Variants in GTF2F2 observed in about 807,000 individuals in gnomAD.
GTF2F2 encodes general transcription factor IIF subunit 2.
A neutral mutation model predicts 42.2 loss-of-function variants in GTF2F2; 23 were observed. The ratio of observed to expected loss-of-function variants is 0.55; its 90% confidence interval spans 0.39 to 0.77. The LOEUF is 0.77. Ranked by LOEUF, GTF2F2 falls within the 30% of genes least tolerant of loss-of-function variation. The pLI is 0.00. For missense variants in GTF2F2, 261 were observed against 287.2 expected, an observed-to-expected ratio of 0.91 and a Z score of 0.66; for synonymous variants, 105 against 100.8, an observed-to-expected ratio of 1.04 and a Z score of -0.25.
Position 45,140,853 on chromosome 13 carries a change from G to T in GTF2F2, c.140+4047G>T, listed in dbSNP as rs141373334. ...GGCAGGCTAAAGGAGAGAGTACTTA[G>T]ATGATGAACCTCATGGTATTGTGGA... On this transcript the variant is annotated intron_variant, in intron 2 of 7. Transcript: ENST00000340473. 4.1e-4 allele frequency among the ~76,000 whole-genome samples: 63 copies of T among 152,330 alleles called. No homozygotes were observed. The East Asian group carries it at 0.012, about 28-fold the overall frequency.
At chr13:45,212,157 T>C (rs553933905) in intron 5 of GTF2F2, among the ~76,000 whole-genome samples, 3 of 152,296 alleles carry the variant, frequency 2.0e-5, no homozygotes, top group African/African-American at 7.2e-5. Context: ...GAGAACAGAA[T>C]TGGTAAGTCT....
At chr13:45,161,560 G>A (rs1044667048) in intron 4 of GTF2F2, among the ~76,000 whole-genome samples, 1 of 152,122 alleles carries the variant, frequency 6.6e-6, no homozygotes, top group African/African-American at 2.4e-5. Context: ...AGAATACAGG[G>A]GCCGGGCACC....
intron 4 of GTF2F2, among the ~76,000 whole-genome samples, chr13:45,195,668 T>A (rs1316276872): frequency 6.6e-6 from 1 of 152,140 alleles, no homozygotes; most frequent in Admixed American, 6.5e-5. Flanking sequence ...CCCTATAACT[T>A]CCCTTCCAAA....
intron 6 of GTF2F2, among the ~76,000 whole-genome samples, chr13:45,259,181 C>G (rs2138254900): frequency 6.6e-6 from 1 of 152,196 alleles, no homozygotes. Flanking sequence ...AATCCCAGCA[C>G]TTTGGGAGGC....
intron 4 of GTF2F2, among the ~76,000 whole-genome samples, chr13:45,200,237 G>T (rs1446297320): frequency 6.6e-6 from 1 of 152,032 alleles, no homozygotes; most frequent in Non-Finnish European, 1.5e-5. Flanking sequence ...AAAGAATTTT[G>T]CAGGGAGATG....
chr13:45,191,240 TATATATATATATATA>T (rs1872634950), intron 4 of GTF2F2, among the ~76,000 whole-genome samples: 3 of 133,916 alleles, frequency 2.2e-5, no homozygotes, highest in African/African-American at 9.2e-5. Flanking sequence ...TATATATATA[TATATATATATATATA>T]GCCATAATCT....
intron 4 of GTF2F2, among the ~76,000 whole-genome samples, chr13:45,164,718 C>T (rs1292672509): frequency 1.3e-5 from 2 of 151,944 alleles, no homozygotes; most frequent in African/African-American, 4.8e-5. Context: ...AGAGTGAGAC[C>T]CTGTCTGGAA....
Position 45,267,371 on chromosome 13 carries a change from C to A in GTF2F2, c.625C>A (p.Pro209Thr). 1.2e-6 allele frequency: 2 copies of A among 1,600,560 alleles called. No homozygotes were observed. The highest frequency in any genetic ancestry group is 1.7e-6 in the Non-Finnish European group (2 of 1,170,362). ...GGACTTGGTGGACATCACAAAGCAA[C>A]CTGTGGTATGTATATGTTCATACTG... ...LKDLVDITKQ[P>T]VVYLKEILKE... The change falls in exon 7 of 8, where the codon CCT (proline) becomes ACT (threonine). Residue 209 changes from proline to threonine, a missense_variant. Coordinates refer to ENST00000340473, the MANE Select transcript of GTF2F2 (RefSeq NM_004128.3).
intron 4 of GTF2F2, among the ~76,000 whole-genome samples, chr13:45,186,481 C>T (rs1030140414): frequency 5.3e-5 from 8 of 150,912 alleles, no homozygotes; most frequent in African/African-American, 2.0e-4. Flanking sequence ...TTAGTAGAGA[C>T]GGGGTTTCAT....
chr13:45,216,105 A>T (rs1184506652), intron 5 of GTF2F2, among the ~76,000 whole-genome samples: 4 of 151,990 alleles, frequency 2.6e-5, no homozygotes, highest in Non-Finnish European at 4.4e-5. Flanking sequence ...TTAGCCAAGC[A>T]TGGTGGTGCA....
chr13:45,279,680 GGT>G (rs1297555589), intron 7 of GTF2F2, among the ~76,000 whole-genome samples: 3 of 152,138 alleles, frequency 2.0e-5, no homozygotes, highest in African/African-American at 7.2e-5. Context: ...GGCCGAGGCG[GGT>G]GGATCACGAG....
At chr13:45,120,771 TTAAG>T (rs1357430182) in intron 1 of GTF2F2, 50 bp downstream of exon 1, 2 of 1,355,772 alleles carry the variant, frequency 1.5e-6, no homozygotes, top group African/African-American at 1.4e-5. Context: ...CAAGTATAGT[TTAAG>T]TAACTTGAGC....
chr13:45,161,240 A>G (rs1462024441), intron 4 of GTF2F2, among the ~76,000 whole-genome samples: 2 of 152,300 alleles, frequency 1.3e-5, no homozygotes, highest in East Asian at 1.9e-4. Flanking sequence ...TTGCTTTTGC[A>G]CTATTGGCAA....
intron 5 of GTF2F2, among the ~76,000 whole-genome samples, chr13:45,248,178 G>A (rs1219246143): frequency 1.3e-5 from 2 of 152,004 alleles, no homozygotes; most frequent in African/African-American, 4.8e-5. Context: ...TATTTCATTA[G>A]AATGAATACT....
intron 2 of GTF2F2, among the ~76,000 whole-genome samples, chr13:45,148,291 C>T (rs1292462070): frequency 6.6e-6 from 1 of 152,178 alleles, no homozygotes; most frequent in Non-Finnish European, 1.5e-5. Flanking sequence ...TTTGGTCAAA[C>T]AATATCTACA....
chr13:45,163,699 A>G (rs1219067779), intron 4 of GTF2F2, among the ~76,000 whole-genome samples: 1 of 152,214 alleles, frequency 6.6e-6, no homozygotes, highest in Non-Finnish European at 1.5e-5. Flanking sequence ...TTATAGTAGC[A>G]TGATTTTTTC....
rs1443394034 is a variant in GTF2F2 at position 45,284,657 on chromosome 13, T to A, written c.*1096T>A. 2.0e-5 allele frequency: 3 copies of A among 152,102 alleles called. No individual in the cohort carries two copies. The highest frequency in any genetic ancestry group is 2.9e-5 in the Non-Finnish European group (2 of 68,014). 9.4% of individuals were successfully genotyped at this position (152,102 alleles called of 1,614,324 possible). A position where few individuals can be genotyped will look rare whatever the true frequency, so the allele number is the denominator to read the frequency against. The stretch of plus-strand genomic sequence containing the variant: ...AATCAAGAAGTAGCAAATGCCCAAG[T>A]TGCCATAGTGTTTGCAGGAAAAAAA... On this transcript the variant is annotated 3_prime_UTR_variant, in exon 8 of 8. Transcript: ENST00000340473.
At chr13:45,129,530 G>A (rs1255385819) in intron 1 of GTF2F2, among the ~76,000 whole-genome samples, 2 of 152,142 alleles carry the variant, frequency 1.3e-5, no homozygotes. Context: ...ATTTTAAGGT[G>A]GATCTCTGAA....
At chr13:45,215,550 AG>A (rs1312989262) in intron 5 of GTF2F2, among the ~76,000 whole-genome samples, 1 of 152,148 alleles carries the variant, frequency 6.6e-6, no homozygotes, top group Non-Finnish European at 1.5e-5. Flanking sequence ...ACCTAAGGTC[AG>A]GAGTTTGTGA....
Sources: gnomAD v4.1 joint callset for allele counts (sites outside exome capture counted in the v4.1 genomes callset) on GRCh38, gnomAD v4.1.1 for gene constraint, MANE v1.5 for transcripts, NCBI Gene and HGNC (gene_info 2026-07-23, HGNC 2026-07-21) for gene names.